Variants in CLDN14 observed in about 807,000 individuals in gnomAD.
The protein encoded by CLDN14 is claudin 14.
In CLDN14, 2 loss-of-function variants were observed where a neutral mutation model predicts 2.1. The ratio of observed to expected loss-of-function variants is 0.96; its 90% confidence interval spans 0.39 to 3.01. CLDN14 has a LOEUF of 3.01. Among genes scored for constraint, CLDN14 ranks in the 30% most tolerant of loss-of-function variants. The pLI is 0.09. For missense variants in CLDN14, 298 were observed against 328.0 expected, an observed-to-expected ratio of 0.91 and a Z score of 0.71; for synonymous variants, 136 against 154.4, an observed-to-expected ratio of 0.88 and a Z score of 0.88.
intron 1 of CLDN14, among the ~76,000 whole-genome samples, chr21:36,572,863 T>C (rs1331536133): frequency 6.6e-6 from 1 of 152,220 alleles, no homozygotes; most frequent in Admixed American, 6.5e-5. Flanking sequence ...ATATAGTAGA[T>C]GCCTCCTAAA....
rs1445611422 is a variant in CLDN14, at chr21:36,576,409, A to G, written c.-220+2T>C. ...AATTTACAAGTTGTGAGTGCCACTC[A>G]CCGTGCTGCTGTGTCCTCAGCCAAG... On this transcript the variant is annotated splice_donor_variant, in intron 1 of 2. Transcript: ENST00000342108. LOFTEE classifies it low-confidence loss of function (5UTR_SPLICE). The G allele has an allele frequency of 6.6e-6, 1 of 152,240 alleles. No homozygotes were observed. Among genetic ancestry groups the G allele is most frequent in the Non-Finnish European group, 1.5e-5 (1 of 68,062 alleles). The allele number at this position is 152,240 out of a possible 1,614,324, so 9.4% of individuals were successfully genotyped here.
chr21:36,539,271 G>A (rs1464947603), intron 1 of CLDN14, among the ~76,000 whole-genome samples: 2 of 152,224 alleles, frequency 1.3e-5, no homozygotes, highest in Non-Finnish European at 2.9e-5. Context: ...GGGAGACATG[G>A]CAATGAAATA....
chr21:36,560,295 C>A (rs770057165), intron 1 of CLDN14, among the ~76,000 whole-genome samples: 1 of 149,646 alleles, frequency 6.7e-6, no homozygotes, highest in Non-Finnish European at 1.5e-5. Context: ...ACATAAATAT[C>A]TATATTTTTA....
intron 1 of CLDN14, among the ~76,000 whole-genome samples, chr21:36,548,609 T>C (rs439888): frequency 0.83 from 126,658 of 152,058 alleles, 53,244 homozygotes; most frequent in Non-Finnish European, 0.9. Flanking sequence ...TGTGGCAGGT[T>C]AGAGGGTTGC....
intron 1 of CLDN14, among the ~76,000 whole-genome samples, chr21:36,553,937 G>C (rs1409636713): frequency 6.6e-6 from 1 of 152,094 alleles, no homozygotes; most frequent in African/African-American, 2.4e-5. Context: ...CATATCATTG[G>C]CTATGGCGAA....
chr21:36,576,510 C>G (rs1257878662), exon 1 of CLDN14: 1 of 153,068 alleles, frequency 6.5e-6, no homozygotes, highest in South Asian at 2.1e-4. Flanking sequence ...GTGCCTGGCT[C>G]GTGACTTCTG....
chr21:36,568,260 C>T (rs1188298736), intron 1 of CLDN14, among the ~76,000 whole-genome samples: 1 of 152,176 alleles, frequency 6.6e-6, no homozygotes, highest in African/African-American at 2.4e-5. Flanking sequence ...CCTGTGTGAC[C>T]TACATGGGAT....
At chr21:36,489,131 A>AAAAAATATATATATATATATATATATAT in intron 2 of CLDN14, among the ~76,000 whole-genome samples, 2 of 62,750 alleles carry the variant, frequency 3.2e-5, no homozygotes, top group Non-Finnish European at 6.0e-5. Context: ...AAAAAAAAAA[A>AAAAAATATATATATATATATATATATAT]ATATATATAT....
intron 1 of CLDN14, chr21:36,532,332 T>A (rs999477292): frequency 1.3e-5 from 2 of 151,960 alleles, no homozygotes; most frequent in Non-Finnish European, 2.9e-5. Flanking sequence ...ACCCATGCGG[T>A]TGGAATGCTA....
At chr21:36,500,854 C>T (rs2087086094) in intron 2 of CLDN14, among the ~76,000 whole-genome samples, 1 of 152,236 alleles carries the variant, frequency 6.6e-6, no homozygotes, top group South Asian at 2.1e-4. Context: ...TTCAAATAGA[C>T]ACCGCCTTAT....
upstream of CLDN14, among the ~76,000 whole-genome samples, chr21:36,481,302 C>T (rs1451739148): frequency 6.6e-6 from 1 of 152,144 alleles, no homozygotes; most frequent in Non-Finnish European, 1.5e-5. Flanking sequence ...AATGAACTAA[C>T]TTGGAGATAG....
chr21:36,505,787 A>C (rs573385677), intron 2 of CLDN14, among the ~76,000 whole-genome samples: 76 of 152,230 alleles, frequency 5.0e-4, no homozygotes, highest in African/African-American at 1.8e-3. Flanking sequence ...AGAGAGGTCC[A>C]TTGTTAACCC....
Position 36,461,096 on chromosome 21 carries a change from G to A in CLDN14, c.600C>T (p.Ala200=). 5 of 1,614,176 alleles carry A rather than the reference G, an allele frequency of 3.1e-6. No homozygotes were observed. The highest frequency in any genetic ancestry group is 4.2e-6 in the Non-Finnish European group (5 of 1,180,010). The change falls in exon 2 of 2, where the codon GCC becomes GCT. Residue 200 remains alanine, a synonymous_variant. Transcript: ENST00000399135. The part of the protein sequence containing the change: ...PYRPYQAPPR[A]TTTTANTAPA... ...GTGCGGTGTTTGCAGTGGTCGTGGT[G>A]GCCCTGGGCGGGGCCTGGTAGGGCC...
upstream of CLDN14, among the ~76,000 whole-genome samples, chr21:36,483,281 G>A (rs567408488): frequency 4.8e-3 from 182 of 37,666 alleles, no homozygotes; most frequent in African/African-American, 0.022. Flanking sequence ...TCTCTGCGCC[G>A]CTGGGTTCAG....
intron 2 of CLDN14, among the ~76,000 whole-genome samples, chr21:36,501,606 C>T (rs1433713961): frequency 6.6e-6 from 1 of 151,980 alleles, no homozygotes; most frequent in Non-Finnish European, 1.5e-5. Flanking sequence ...TGAAGATCTC[C>T]TCGCTACTGT....
At chr21:36,507,334 C>T (rs2087142355) in intron 2 of CLDN14, among the ~76,000 whole-genome samples, 1 of 152,174 alleles carries the variant, frequency 6.6e-6, no homozygotes. Flanking sequence ...CCCAGAGGAA[C>T]ATGTGGCAGA....
intron 1 of CLDN14, among the ~76,000 whole-genome samples, chr21:36,529,657 C>T (rs1015521949): frequency 6.6e-6 from 1 of 152,156 alleles, no homozygotes; most frequent in African/African-American, 2.4e-5. Context: ...GAGTGAACCA[C>T]TATGGAAATT....
At chr21:36,560,259 C>T (rs1435731992) in intron 1 of CLDN14, among the ~76,000 whole-genome samples, 2 of 148,318 alleles carry the variant, frequency 1.3e-5, no homozygotes, top group Non-Finnish European at 3.0e-5. Context: ...TCGCTCTTGT[C>T]GCTATGAATA....
chr21:36,478,782 C>T (rs770703035), intron 1 of CLDN14, among the ~76,000 whole-genome samples: 9 of 152,194 alleles, frequency 5.9e-5, no homozygotes, highest in Admixed American at 3.9e-4. Context: ...GGTTTGGGGA[C>T]GGTCTCAGGA....
Sources: gnomAD v4.1 joint callset for allele counts (sites outside exome capture counted in the v4.1 genomes callset) on GRCh38, gnomAD v4.1.1 for gene constraint, MANE v1.5 for transcripts, NCBI Gene and HGNC (gene_info 2026-07-23, HGNC 2026-07-21) for gene names.